The following REDIC1 variants were observed in gnomAD, a reference collection of about 807,000 sequenced individuals.
REDIC1 encodes the protein HEI10 Interacting Protein 1.
the REDIC1 span, among the ~76,000 whole-genome samples, chr12:39,801,115 A>G: frequency 4.4e-5 from 3 of 67,534 alleles, no homozygotes; most frequent in Non-Finnish European, 8.6e-5. Flanking sequence ...GGGAGGGGGG[A>G]GGGATAGCAT....
the REDIC1 span, among the ~76,000 whole-genome samples, chr12:39,743,142 TAAC>T: frequency 6.6e-6 from 1 of 152,172 alleles, no homozygotes; most frequent in African/African-American, 2.4e-5. Context: ...CTGTTCCTTT[TAAC>T]AAGGCCTGTC....
At chr12:39,818,530 G>A in the REDIC1 span, among the ~76,000 whole-genome samples, 20 of 152,154 alleles carry the variant, frequency 1.3e-4, no homozygotes, top group South Asian at 1.2e-3. Flanking sequence ...AGCTAATTAC[G>A]TAAGTTTATA....
the REDIC1 span, among the ~76,000 whole-genome samples, chr12:39,810,290 T>G: frequency 2.8e-3 from 432 of 152,352 alleles, 2 homozygotes; most frequent in African/African-American, 9.8e-3. Flanking sequence ...ATTTCATCTT[T>G]TGATGATATA....
chr12:39,753,859 G>A, the REDIC1 span, among the ~76,000 whole-genome samples: 1 of 152,106 alleles, frequency 6.6e-6, no homozygotes, highest in South Asian at 2.1e-4. Flanking sequence ...TGAAAGTGAG[G>A]CAATGAGTGG....
chr12:39,808,044 A>G, the REDIC1 span, among the ~76,000 whole-genome samples: 3 of 152,204 alleles, frequency 2.0e-5, no homozygotes, highest in East Asian at 3.8e-4. Flanking sequence ...AGTTTTGACA[A>G]TGTATAAATC....
chr12:39,635,797 A>G, the REDIC1 span, among the ~76,000 whole-genome samples: 1 of 152,166 alleles, frequency 6.6e-6, no homozygotes, highest in African/African-American at 2.4e-5. Context: ...TATTAAAAAA[A>G]GAAGTTTGTT....
chr12:39,669,524 T>C, the REDIC1 span, among the ~76,000 whole-genome samples: 1 of 152,232 alleles, frequency 6.6e-6, no homozygotes, highest in East Asian at 1.9e-4. Flanking sequence ...GGGCGCAGTC[T>C]GTCCATTCTG....
At chr12:39,898,261 A>G in the REDIC1 span, among the ~76,000 whole-genome samples, 1 of 152,178 alleles carries the variant, frequency 6.6e-6, no homozygotes, top group Non-Finnish European at 1.5e-5. Context: ...AAAAGAACCA[A>G]TGAAAAGAAG....
chr12:39,851,453 G>A, the REDIC1 span, among the ~76,000 whole-genome samples: 1 of 152,126 alleles, frequency 6.6e-6, no homozygotes, highest in Non-Finnish European at 1.5e-5. Context: ...TATTAAAAAT[G>A]AGCAGTGCAC....
chr12:39,684,923 A>T, the REDIC1 span: 1 of 1,610,120 alleles, frequency 6.2e-7, no homozygotes, highest in East Asian at 2.2e-5. Context: ...TTTGGACTTG[A>T]TGAGGTAAAG....
At chr12:39,784,974 ACT>A in the REDIC1 span, among the ~76,000 whole-genome samples, 11 of 152,268 alleles carry the variant, frequency 7.2e-5, no homozygotes, top group Admixed American at 5.9e-4. Flanking sequence ...TGTTAAAAGC[ACT>A]CTGTTTTAAA....
At chr12:39,798,356 G>GTT in the REDIC1 span, among the ~76,000 whole-genome samples, 1 of 152,164 alleles carries the variant, frequency 6.6e-6, no homozygotes, top group East Asian at 1.9e-4. Context: ...GTTTGAAGTT[G>GTT]TTAAGTTTTA....
chr12:39,772,874 A>G, the REDIC1 span, among the ~76,000 whole-genome samples: 1 of 8,256 alleles, frequency 1.2e-4, no homozygotes, highest in African/African-American at 2.5e-4. Context: ...GTAGCTCCTC[A>G]TCATCCTCAT....
chr12:39,808,603 C>T, the REDIC1 span, among the ~76,000 whole-genome samples: 1 of 152,096 alleles, frequency 6.6e-6, no homozygotes, highest in Non-Finnish European at 1.5e-5. Context: ...GATATTTTGA[C>T]TTTTTCATTT....
the REDIC1 span, among the ~76,000 whole-genome samples, chr12:39,895,524 A>G: frequency 8.2e-3 from 234 of 28,554 alleles, 6 homozygotes; most frequent in East Asian, 0.023. Context: ...TTATATATAT[A>G]TATATATATA....
chr12:39,895,947 C>T, the REDIC1 span, among the ~76,000 whole-genome samples: 1 of 148,324 alleles, frequency 6.7e-6, no homozygotes, highest in Non-Finnish European at 1.5e-5. Context: ...TATATACATG[C>T]GTATATGTGT....
chr12:39,784,432 C>A, the REDIC1 span, among the ~76,000 whole-genome samples: 5 of 152,146 alleles, frequency 3.3e-5, no homozygotes, highest in Non-Finnish European at 7.3e-5. Flanking sequence ...ACATCTACAA[C>A]CATCTGATCT....
At chr12:39,684,312 G>GGT in the REDIC1 span, 1 of 920,456 alleles carries the variant, frequency 1.1e-6, no homozygotes, top group South Asian at 5.0e-5. Context: ...TAACTTTCTT[G>GGT]GTAATAGTCC....
chr12:39,756,708 G>C, the REDIC1 span: 1 of 151,568 alleles, frequency 6.6e-6, no homozygotes, highest in Non-Finnish European at 1.5e-5. Flanking sequence ...TAAGTTGTCA[G>C]CTTATATTTT....
Sources: gnomAD v4.1 joint callset for allele counts (sites outside exome capture counted in the v4.1 genomes callset) on GRCh38, gnomAD v4.1.1 for gene constraint, MANE v1.5 for transcripts, NCBI Gene and HGNC (gene_info 2026-07-23, HGNC 2026-07-21) for gene names.